Variants in MCC observed in about 807,000 individuals in gnomAD.
MCC encodes colorectal mutant cancer protein.
A neutral mutation model predicts 116.2 loss-of-function variants in MCC; 90 were observed. That is an observed-to-expected ratio of 0.77 (90% CI 0.65 to 0.92). The LOEUF (loss-of-function observed/expected upper bound fraction) is 0.92. Ranked by LOEUF, MCC falls within the 40% of genes least tolerant of loss-of-function variation. The pLI is 0.00. For synonymous variants in MCC, 578 were observed against 510.5 expected (o/e 1.13, Z -1.78); for missense variants, 1,516 against 1,312.2 (o/e 1.16, Z -2.40).
intron 3 of MCC, among the ~76,000 whole-genome samples, chr5:113,172,096 G>A (rs1761102050): frequency 6.6e-6 from 1 of 152,172 alleles, no homozygotes; most frequent in South Asian, 2.1e-4. Context: ...TCCAAATGTA[G>A]CAGTGGAAGA....
chr5:113,094,724 T>C (rs1184497908), intron 8 of MCC, among the ~76,000 whole-genome samples: 7 of 152,180 alleles, frequency 4.6e-5, no homozygotes, highest in Non-Finnish European at 1.5e-5. Context: ...CCGGCCAATG[T>C]TCCTAATTTC....
At chr5:113,077,524 A>G (rs1302614634) in intron 11 of MCC, among the ~76,000 whole-genome samples, 7 of 152,344 alleles carry the variant, frequency 4.6e-5, no homozygotes, top group African/African-American at 1.7e-4. Flanking sequence ...GCATAACTAC[A>G]TGGAAACTGA....
intron 16 of MCC, among the ~76,000 whole-genome samples, chr5:113,045,648 A>C (rs970496328): frequency 6.6e-6 from 1 of 151,992 alleles, no homozygotes; most frequent in Non-Finnish European, 1.5e-5. Context: ...AAAAATACAA[A>C]ATTAACCAGG....
chr5:113,473,853 T>C (rs1405231956), intron 1 of MCC, among the ~76,000 whole-genome samples: 1 of 152,192 alleles, frequency 6.6e-6, no homozygotes, highest in Non-Finnish European at 1.5e-5. Flanking sequence ...CATAAGAATA[T>C]GCTACCACTA....
At chr5:113,308,827 A>G (rs1209918654) in intron 3 of MCC, among the ~76,000 whole-genome samples, 2 of 151,866 alleles carry the variant, frequency 1.3e-5, no homozygotes, top group Non-Finnish European at 2.9e-5. Flanking sequence ...GAAAGAAAGA[A>G]AGAGAGAGAC....
chr5:113,381,297 G>A (rs1329597568), intron 2 of MCC, among the ~76,000 whole-genome samples: 2 of 152,152 alleles, frequency 1.3e-5, no homozygotes, highest in African/African-American at 4.8e-5. Context: ...CTAGGTAAAG[G>A]TTATCTGGGA....
At chr5:113,301,422 G>A (rs570671681) in intron 3 of MCC, among the ~76,000 whole-genome samples, 33 of 151,628 alleles carry the variant, frequency 2.2e-4, no homozygotes, top group Middle Eastern at 3.4e-3. Flanking sequence ...CCGAGATCAC[G>A]CCATTGCACC....
chr5:113,388,808 A>G (rs1769334363), intron 1 of MCC, among the ~76,000 whole-genome samples: 1 of 152,204 alleles, frequency 6.6e-6, no homozygotes, highest in Non-Finnish European at 1.5e-5. Flanking sequence ...CATTTTACAG[A>G]TTATGATATG....
intron 3 of MCC, among the ~76,000 whole-genome samples, chr5:113,176,155 T>C (rs1761320305): frequency 6.6e-6 from 1 of 152,212 alleles, no homozygotes; most frequent in South Asian, 2.1e-4. Context: ...GGCTTTGCCT[T>C]AGGATTTCTT....
intron 2 of MCC, among the ~76,000 whole-genome samples, chr5:113,352,604 G>A (rs958723025): frequency 2.0e-5 from 3 of 152,122 alleles, no homozygotes; most frequent in African/African-American, 4.8e-5. Flanking sequence ...AGGGTAGAAA[G>A]TTCTATGACT....
At chr5:113,088,258 A>C (rs1459218007) in intron 8 of MCC, among the ~76,000 whole-genome samples, 1 of 152,088 alleles carries the variant, frequency 6.6e-6, no homozygotes, top group African/African-American at 2.4e-5. Context: ...TTGATTTGAG[A>C]GTGAGAATCT....
chr5:113,106,457 T>A (rs1218163727), intron 6 of MCC, among the ~76,000 whole-genome samples: 2 of 152,160 alleles, frequency 1.3e-5, no homozygotes, highest in Non-Finnish European at 2.9e-5. Context: ...CCCTGGAATA[T>A]GCCAAACTCC....
intron 1 of MCC, among the ~76,000 whole-genome samples, chr5:113,487,916 T>C (rs1034934061): frequency 6.6e-6 from 1 of 152,102 alleles, no homozygotes; most frequent in African/African-American, 2.4e-5. Flanking sequence ...CCCTCCTACC[T>C]GGGACAAGCG....
chr5:113,328,248 G>A (rs1002413811), intron 3 of MCC, among the ~76,000 whole-genome samples: 19 of 152,190 alleles, frequency 1.2e-4, no homozygotes, highest in Admixed American at 5.2e-4. Flanking sequence ...CGCTTCTACT[G>A]ATATCCTACA....
chr5:113,446,538 C>A (rs1349968359), intron 1 of MCC, among the ~76,000 whole-genome samples: 1 of 152,160 alleles, frequency 6.6e-6, no homozygotes, highest in Non-Finnish European at 1.5e-5. Flanking sequence ...ATCAAAACCA[C>A]AATGAGATAC....
intron 6 of MCC, among the ~76,000 whole-genome samples, chr5:113,119,133 T>C (rs533190814): frequency 3.3e-5 from 5 of 152,348 alleles, no homozygotes; most frequent in African/African-American, 4.8e-5. Context: ...TGCTCAAGTA[T>C]TTGAGTATCT....
At chr5:113,402,928 T>A (rs1040726763) in intron 1 of MCC, among the ~76,000 whole-genome samples, 1 of 152,146 alleles carries the variant, frequency 6.6e-6, no homozygotes, top group Non-Finnish European at 1.5e-5. Flanking sequence ...CACACCCAGA[T>A]AATTTGTTTA....
chr5:113,467,772 G>C (rs1235714319), intron 1 of MCC, among the ~76,000 whole-genome samples: 1 of 152,114 alleles, frequency 6.6e-6, no homozygotes, highest in Non-Finnish European at 1.5e-5. Context: ...AATTACCTTG[G>C]GCAGTATGGC....
chr5:113,344,101 G>C (rs1768077884), intron 2 of MCC, among the ~76,000 whole-genome samples: 1 of 152,174 alleles, frequency 6.6e-6, no homozygotes, highest in Admixed American at 6.5e-5. Flanking sequence ...TATGTACCAT[G>C]GAGAATCTGT....
Sources: gnomAD v4.1 joint callset for allele counts (sites outside exome capture counted in the v4.1 genomes callset) on GRCh38, gnomAD v4.1.1 for gene constraint, MANE v1.5 for transcripts, NCBI Gene and HGNC (gene_info 2026-07-23, HGNC 2026-07-21) for gene names.